Variants in LRRC28 observed in about 807,000 individuals in gnomAD.
The protein encoded by LRRC28 is leucine rich repeat containing 28.
In LRRC28, 39 loss-of-function variants were observed where a neutral mutation model predicts 45.7. The ratio of observed to expected loss-of-function variants is 0.85; its 90% CI spans 0.66 to 1.12. The LOEUF is 1.12. Among genes scored for constraint, LRRC28 ranks in the 50% most tolerant of loss-of-function variants. The probability of loss-of-function intolerance (pLI) is 0.00; values close to 1 mark genes in which losing one functional copy is unlikely to be tolerated. For missense variants in LRRC28, 435 were observed against 438.5 expected (o/e 0.99, Z 0.07); for synonymous variants, 206 against 178.8 (o/e 1.15, Z -1.22).
intron 9 of LRRC28, among the ~76,000 whole-genome samples, chr15:99,379,477 T>C (rs1404436210): frequency 6.6e-6 from 1 of 152,192 alleles, no homozygotes; most frequent in Non-Finnish European, 1.5e-5. Flanking sequence ...TTTGTTGATC[T>C]TTTCAAAAAA....
At chr15:99,309,403 A>G (rs1043921173) in intron 5 of LRRC28, among the ~76,000 whole-genome samples, 7 of 151,924 alleles carry the variant, frequency 4.6e-5, no homozygotes, top group African/African-American at 1.7e-4. Flanking sequence ...TAACTGAGGG[A>G]AGATGTCTTT....
At chr15:99,270,615 TG>T in intron 2 of LRRC28, among the ~76,000 whole-genome samples, 1 of 152,258 alleles carries the variant, frequency 6.6e-6, no homozygotes, top group South Asian at 2.1e-4. Flanking sequence ...CTTCTTTTTT[TG>T]TGTGTGATTC....
Position 99,363,160 on chromosome 15 carries a change from ACTGCCCT to A in LRRC28, c.930_936del (p.Cys310TrpfsTer22). 6.2e-7 allele frequency: 1 copy of A among 1,614,024 alleles called. No homozygotes were observed. Among genetic ancestry groups the A allele is most frequent in the Non-Finnish European group, 8.5e-7 (1 of 1,179,900 alleles). On this transcript the variant is annotated frameshift_variant, in exon 9 of 10. Coordinates refer to ENST00000301981, the MANE Select transcript of LRRC28 (RefSeq NM_144598.5). LOFTEE classifies it high-confidence loss of function. The stretch of plus-strand genomic sequence containing the variant: ...CCCAGAAGTCTCCTAGAGCTGCTGC[ACTGCCCT>A]CTGGGGCACTGTCATCGGTGTAGTG...
At chr15:99,327,022 G>C (rs546526228) in intron 5 of LRRC28, among the ~76,000 whole-genome samples, 10 of 152,084 alleles carry the variant, frequency 6.6e-5, no homozygotes, top group Admixed American at 1.3e-4. Flanking sequence ...ATCTGGACCT[G>C]GTCTTTTCTT....
At chr15:99,316,192 A>C (rs1406514836) in intron 5 of LRRC28, among the ~76,000 whole-genome samples, 1 of 152,194 alleles carries the variant, frequency 6.6e-6, no homozygotes, top group Non-Finnish European at 1.5e-5. Flanking sequence ...AGGTTATATA[A>C]AAATCATTTC....
At chr15:99,328,004 A>T (rs566474893) in intron 5 of LRRC28, among the ~76,000 whole-genome samples, 1 of 152,322 alleles carries the variant, frequency 6.6e-6, no homozygotes, top group South Asian at 2.1e-4. Flanking sequence ...TTAATTTCCA[A>T]ATACGGGGAT....
At chr15:99,262,728 T>A (rs2081232025) in intron 2 of LRRC28, among the ~76,000 whole-genome samples, 1 of 152,056 alleles carries the variant, frequency 6.6e-6, no homozygotes, top group Non-Finnish European at 1.5e-5. Flanking sequence ...ACTGCAGCCG[T>A]GACCTCCTGA....
intron 9 of LRRC28, among the ~76,000 whole-genome samples, chr15:99,376,242 T>C (rs1017484453): frequency 1.3e-5 from 2 of 152,180 alleles, no homozygotes; most frequent in Non-Finnish European, 2.9e-5. Flanking sequence ...ATTTGATCCA[T>C]GGGTCAAAGA....
chr15:99,278,675 G>C (rs1031399852), intron 3 of LRRC28, among the ~76,000 whole-genome samples: 1 of 152,182 alleles, frequency 6.6e-6, no homozygotes, highest in African/African-American at 2.4e-5. Context: ...ATTATCTATT[G>C]CTGCTTAACA....
chr15:99,318,339 T>C (rs1426489028), intron 5 of LRRC28, among the ~76,000 whole-genome samples: 2 of 152,104 alleles, frequency 1.3e-5, no homozygotes, highest in African/African-American at 4.8e-5. Context: ...ATACAACTAA[T>C]AAATAAAAAT....
rs779265896 is a variant in LRRC28 at position 99,361,386 on chromosome 15, C to T, written c.746C>T (p.Ser249Leu). 3 of 1,613,822 alleles carry T rather than the reference C, an allele frequency of 1.9e-6. No individual in the cohort carries two copies. The highest frequency in any genetic ancestry group is 2.7e-5 in the African/African-American group (2 of 75,024). ...VSEVKLLSFSSGQRTVFLPAE... is the reference protein window; with the variant it reads ...VSEVKLLSFSLGQRTVFLPAE... Reference sequence around the variant, plus strand: ...GAGGTGAAGCTGCTTTCCTTTTCATCAGGGCAGCGAACCGTTTTCCTCCCA... The same window carrying T: ...GAGGTGAAGCTGCTTTCCTTTTCATTAGGGCAGCGAACCGTTTTCCTCCCA... Residue 249 changes from serine (S) to leucine (L), a missense_variant, in exon 8 of 10, where the codon TCA becomes TTA. Coordinates refer to ENST00000301981, the MANE Select transcript of LRRC28 (RefSeq NM_144598.5).
At chr15:99,349,563 G>A (rs1283784449) in intron 6 of LRRC28, among the ~76,000 whole-genome samples, 1 of 152,114 alleles carries the variant, frequency 6.6e-6, no homozygotes, top group Non-Finnish European at 1.5e-5. Context: ...AACTCTGGAG[G>A]CAATTTAGAA....
chr15:99,388,762 A>G lies in LRRC28; in HGVS notation c.*2660A>G, dbSNP rs1405731498. ...GTATTCACACAATAATAGTAATGCA[A>G]AAAAAGTGAGCTACTTGGAAAGTAT... On this transcript the variant is annotated 3_prime_UTR_variant, in exon 10 of 10. Coordinates refer to ENST00000301981, the MANE Select transcript of LRRC28 (RefSeq NM_144598.5). The G allele has an allele frequency of 6.6e-6, 1 of 152,214 alleles. No homozygotes were observed. The highest frequency in any genetic ancestry group is 1.5e-5 in the Non-Finnish European group (1 of 68,024). 9.4% of individuals were successfully genotyped at this position (152,214 alleles called of 1,614,324 possible).
chr15:99,369,935 G>A (rs1394901405), intron 9 of LRRC28, among the ~76,000 whole-genome samples: 5 of 152,190 alleles, frequency 3.3e-5, no homozygotes, highest in Non-Finnish European at 7.3e-5. Flanking sequence ...TGTGTAATAA[G>A]CCATGGCGTG....
intron 9 of LRRC28, among the ~76,000 whole-genome samples, chr15:99,378,840 A>G (rs1009944383): frequency 2.0e-5 from 3 of 152,124 alleles, no homozygotes; most frequent in Non-Finnish European, 4.4e-5. Context: ...GATGGATTAC[A>G]TTTATTGATT....
chr15:99,345,957 A>G (rs999720341), intron 6 of LRRC28, among the ~76,000 whole-genome samples: 1 of 152,116 alleles, frequency 6.6e-6, no homozygotes, highest in Non-Finnish European at 1.5e-5. Flanking sequence ...TATTCTCTTC[A>G]GTGACTTACT....
intron 2 of LRRC28, among the ~76,000 whole-genome samples, chr15:99,261,543 C>T (rs2081198947): frequency 6.6e-6 from 1 of 152,156 alleles, no homozygotes; most frequent in Admixed American, 6.5e-5. Flanking sequence ...AAGGGTCTCT[C>T]CCCGACCTCT....
chr15:99,285,171 CATG>C (rs2081924836), intron 3 of LRRC28: 2 of 725,560 alleles, frequency 2.8e-6, no homozygotes, highest in Non-Finnish European at 5.1e-6. Context: ...CTCAGTCAGT[CATG>C]ATTTCAATCA....
chr15:99,303,909 C>T (rs1216357177), intron 5 of LRRC28, among the ~76,000 whole-genome samples: 1 of 151,750 alleles, frequency 6.6e-6, no homozygotes. Flanking sequence ...GAGCATTGTC[C>T]CCCCCACTGG....
Sources: allele counts gnomAD v4.1 joint callset (sites outside exome capture counted in the v4.1 genomes callset), GRCh38; gene constraint gnomAD v4.1.1; transcripts MANE v1.5; gene names NCBI Gene and HGNC (gene_info 2026-07-23, HGNC 2026-07-21).